Variants in ADARB2 observed in about 807,000 individuals in gnomAD.
ADARB2 encodes the protein adenosine deaminase RNA specific B2 (inactive), also known as inactive double-stranded RNA-specific editase B2.
Under a neutral mutation model 62.2 loss-of-function variants are expected in ADARB2, and 25 were observed. The observed-to-expected ratio is 0.40, with a 90% CI of 0.29 to 0.56. The LOEUF is 0.56. ADARB2 is among the 20% of genes least tolerant of loss of function. The pLI is 0.43. For missense variants in ADARB2, 1,071 were observed against 1,077.4 expected (o/e 0.99, Z 0.08); for synonymous variants, 572 against 500.8 (o/e 1.14, Z -1.90).
At chr10:1,330,512 A>C (rs1005625638) in intron 3 of ADARB2, among the ~76,000 whole-genome samples, 3 of 152,244 alleles carry the variant, frequency 2.0e-5, no homozygotes, top group Admixed American at 6.5e-5. Context: ...TCCCACAGTC[A>C]ACACCATGTG....
At chr10:1,445,704 G>T (rs139369293) in intron 1 of ADARB2, among the ~76,000 whole-genome samples, 8 of 152,298 alleles carry the variant, frequency 5.3e-5, no homozygotes, top group Non-Finnish European at 1.5e-5. Context: ...AGGAGAATAC[G>T]CTTTCAGTGG....
chr10:1,308,044 A>G (rs1407666653), intron 3 of ADARB2, among the ~76,000 whole-genome samples: 1 of 150,084 alleles, frequency 6.7e-6, no homozygotes, highest in Non-Finnish European at 1.5e-5. Flanking sequence ...ACTAACCTGC[A>G]CAATGTGCAC....
At chr10:1,233,281 A>T (rs1361731072) in intron 6 of ADARB2, among the ~76,000 whole-genome samples, 1 of 152,182 alleles carries the variant, frequency 6.6e-6, no homozygotes, top group East Asian at 1.9e-4. Flanking sequence ...GGAATCACTC[A>T]TCCCTGGCTT....
At chr10:1,243,344 T>C (rs1368084055) in intron 4 of ADARB2, among the ~76,000 whole-genome samples, 1 of 152,240 alleles carries the variant, frequency 6.6e-6, no homozygotes, top group African/African-American at 2.4e-5. Flanking sequence ...GACCATTTCT[T>C]GGAAGAGGTG....
intron 1 of ADARB2, among the ~76,000 whole-genome samples, chr10:1,448,234 G>A (rs1830995137): frequency 6.6e-6 from 1 of 152,152 alleles, no homozygotes; most frequent in South Asian, 2.1e-4. Context: ...GAGGCGAGGG[G>A]AAGATTAGGT....
intron 1 of ADARB2, among the ~76,000 whole-genome samples, chr10:1,505,861 A>T (rs1239213533): frequency 6.6e-6 from 1 of 152,182 alleles, no homozygotes; most frequent in Non-Finnish European, 1.5e-5. Context: ...ATCGTGTTCT[A>T]TTTCTGTGTG....
rs1836635335 is a variant in ADARB2 at position 1,179,483 on chromosome 10, C to T, written c.*3710G>A. The T allele has an allele frequency of 6.6e-6, 1 of 152,272 alleles. No individual in the cohort carries two copies. Among genetic ancestry groups the T allele is most frequent in the Non-Finnish European group, 1.5e-5 (1 of 68,054 alleles). 9.4% of individuals were successfully genotyped at this position (152,272 alleles called of 1,614,324 possible). A position where few individuals can be genotyped will look rare whatever the true frequency, so the allele number is the denominator to read the frequency against. ...ACCCTAACTCTATCCCTTGATATCACACACGGCTGCAAAACCGGGGCTGGA... is the reference window on the plus strand; with the variant it reads ...ACCCTAACTCTATCCCTTGATATCATACACGGCTGCAAAACCGGGGCTGGA... On this transcript the variant is annotated 3_prime_UTR_variant, in exon 10 of 10. Coordinates refer to ENST00000381312, the MANE Select transcript of ADARB2 (RefSeq NM_018702.4).
At chr10:1,279,056 C>T (rs1271674956) in intron 3 of ADARB2, among the ~76,000 whole-genome samples, 3 of 152,142 alleles carry the variant, frequency 2.0e-5, no homozygotes, top group Non-Finnish European at 4.4e-5. Context: ...TTTTCCCCAA[C>T]CTTTTCACAC....
chr10:1,523,720 T>C (rs1362904297), intron 1 of ADARB2, among the ~76,000 whole-genome samples: 1 of 152,246 alleles, frequency 6.6e-6, no homozygotes, highest in African/African-American at 2.4e-5. Flanking sequence ...TGTTTTACCT[T>C]GAGGCTTAAT....
chr10:1,252,267 T>C (rs1349002885), intron 4 of ADARB2, among the ~76,000 whole-genome samples: 1 of 152,240 alleles, frequency 6.6e-6, no homozygotes, highest in Non-Finnish European at 1.5e-5. Context: ...TTCAAAATTA[T>C]AGAAGATATA....
intron 4 of ADARB2, among the ~76,000 whole-genome samples, chr10:1,266,050 G>T (rs1169101434): frequency 7.5e-6 from 1 of 134,006 alleles, no homozygotes; most frequent in Admixed American, 7.5e-5. Context: ...AAGACGGCCT[G>T]AGCCAGGTCC....
intron 1 of ADARB2, among the ~76,000 whole-genome samples, chr10:1,520,312 T>C (rs1470356753): frequency 6.6e-6 from 1 of 152,250 alleles, no homozygotes; most frequent in African/African-American, 2.4e-5. Context: ...TCTATGTATG[T>C]ATGTGTATAA....
At chr10:1,280,362 C>T (rs1356739793) in intron 3 of ADARB2, among the ~76,000 whole-genome samples, 1 of 152,208 alleles carries the variant, frequency 6.6e-6, no homozygotes, top group Non-Finnish European at 1.5e-5. Context: ...GGGGCAGGCA[C>T]CACTTGCTCT....
intron 1 of ADARB2, among the ~76,000 whole-genome samples, chr10:1,594,160 G>T (rs896978691): frequency 2.6e-5 from 4 of 152,044 alleles, no homozygotes; most frequent in Admixed American, 1.3e-4. Context: ...CATGGTGGCG[G>T]GCGCCTGTAA....
chr10:1,468,348 C>T (rs544187963), intron 1 of ADARB2, among the ~76,000 whole-genome samples: 25 of 152,260 alleles, frequency 1.6e-4, no homozygotes, highest in Admixed American at 3.9e-4. Flanking sequence ...CCTGTTAGTC[C>T]GGGTCCCTGA....
intron 1 of ADARB2, among the ~76,000 whole-genome samples, chr10:1,456,998 T>TGTTGGCCAGGCTGATCTTGAA (rs58072696): frequency 4.0e-5 from 6 of 151,034 alleles, no homozygotes; most frequent in South Asian, 2.1e-4. Context: ...GGTTTCACCA[T>TGTTGGCCAGGCTGATCTTGAA]CTCTGCCCGC....
chr10:1,213,788 C>G (rs900897689), intron 7 of ADARB2, among the ~76,000 whole-genome samples: 11 of 152,216 alleles, frequency 7.2e-5, no homozygotes, highest in African/African-American at 2.2e-4. Context: ...GATTTTGTTA[C>G]AGAGAGACAA....
chr10:1,524,451 A>G (rs1832115114), intron 1 of ADARB2, among the ~76,000 whole-genome samples: 1 of 152,184 alleles, frequency 6.6e-6, no homozygotes, highest in South Asian at 2.1e-4. Flanking sequence ...CAATTTTCAG[A>G]CCTGCTGGCA....
chr10:1,242,438 G>C (rs1349437660), intron 4 of ADARB2, 139 bp from the exon 5 acceptor site: 1 of 1,196,374 alleles, frequency 8.4e-7, no homozygotes. Flanking sequence ...GCTGGGAAGC[G>C]AGGCTTCTGT....
Sources: allele counts gnomAD v4.1 joint callset (sites outside exome capture counted in the v4.1 genomes callset), GRCh38; gene constraint gnomAD v4.1.1; transcripts MANE v1.5; gene names NCBI Gene and HGNC (gene_info 2026-07-23, HGNC 2026-07-21).